The following TMEM242 variants were observed in gnomAD, a reference collection of about 807,000 sequenced individuals.
TMEM242 encodes transmembrane protein 242.
Under a neutral mutation model 18.2 loss-of-function variants are expected in TMEM242, and 10 were observed. That is an observed-to-expected ratio of 0.55 (90% CI 0.34 to 0.93). The LOEUF (loss-of-function observed/expected upper bound fraction) is 0.93. TMEM242 is among the 40% of genes least tolerant of loss of function. TMEM242 has a pLI of 0.02. For missense variants in TMEM242, 186 were observed against 175.5 expected, an observed-to-expected ratio of 1.06 and a Z score of -0.34; for synonymous variants, 57 against 69.9, an observed-to-expected ratio of 0.81 and a Z score of 0.92.
chr6:157,297,257 T>G (rs1014310390), intron 3 of TMEM242, among the ~76,000 whole-genome samples: 5 of 152,212 alleles, frequency 3.3e-5, no homozygotes, highest in Non-Finnish European at 7.3e-5. Flanking sequence ...GTGCTTACTG[T>G]GTATCCTGCT....
chr6:157,312,429 C>CTCAACTGGCCTCATCAT (rs1778185781), intron 3 of TMEM242, among the ~76,000 whole-genome samples: 2 of 126,890 alleles, frequency 1.6e-5, no homozygotes, highest in East Asian at 2.3e-4. Flanking sequence ...CATAGTGTCA[C>CTCAACTGGCCTCATCAT]AGTGTGCACT....
intron 3 of TMEM242, among the ~76,000 whole-genome samples, chr6:157,296,547 G>C (rs1010269133): frequency 2.0e-5 from 3 of 152,224 alleles, no homozygotes; most frequent in Non-Finnish European, 4.4e-5. Context: ...GCCAGGCATG[G>C]TGGCGCACGC....
At position 157,303,574 on chromosome 6, in the gene TMEM242, G is replaced by T. The variant is rs142316282; in HGVS notation, c.328-10575C>A. Among the ~76,000 whole-genome samples the T allele has an allele frequency of 1.8e-3, 274 of 152,258 alleles. 1 individual carries two copies. Among genetic ancestry groups the T allele is most frequent in the African/African-American group, 6.3e-3 (263 of 41,524 alleles). On this transcript the variant is annotated intron_variant, in intron 3 of 3. Transcript: ENST00000400788. ...AGAGAAACTATTTTTATCCTTTAAA[G>T]TTATTTAAAATGTTCTGTTCTTTGG...
At chr6:157,313,155 T>C (rs797043215) in intron 3 of TMEM242, among the ~76,000 whole-genome samples, 19 of 3,424 alleles carry the variant, frequency 5.5e-3, no homozygotes, top group South Asian at 8.8e-3. Context: ...TGCGCTCACC[T>C]GGCCTCATCA....
In TMEM242 at chr6:157,292,116, A is replaced by G. The variant is rs1777690885; in HGVS notation, c.*785T>C. 2.6e-5 allele frequency: 4 copies of G among 152,102 alleles called. No homozygotes were observed. The highest frequency in any genetic ancestry group is 2.6e-4 in the Admixed American group (4 of 15,258). The allele number at this position is 152,102 out of a possible 1,614,324, so 9.4% of individuals were successfully genotyped here. On this transcript the variant is annotated 3_prime_UTR_variant, in exon 4 of 4. Transcript: ENST00000400788. ...GACTTTCTGGTTAAAAATATTGAAG[A>G]CGGATGACAACTGGGCTTTTTTTAC...
rs906060943 is a variant in TMEM242 at position 157,316,229 on chromosome 6, G to A, written c.327+2553C>T. Among the ~76,000 whole-genome samples, 77 of 152,098 alleles carry A rather than the reference G, an allele frequency of 5.1e-4. 2 individuals carry two copies. Among genetic ancestry groups the A allele is most frequent in the Admixed American group, 5.9e-4 (9 of 15,274 alleles). ...AGAAGCTTAATAACTTTATTACTAA[G>A]TACTACTTAATAATCTGAAGATTCA... is the stretch of plus-strand genomic sequence containing the variant. On this transcript the variant is annotated intron_variant, in intron 3 of 3. Transcript: ENST00000400788.
At chr6:157,294,574 TCTC>T (rs1554247097) in intron 3 of TMEM242, among the ~76,000 whole-genome samples, 1 of 151,890 alleles carries the variant, frequency 6.6e-6, no homozygotes, top group East Asian at 1.9e-4. Flanking sequence ...ATGGTCTCGA[TCTC>T]CTGACCTCGT....
chr6:157,318,938 G>A lies in TMEM242; in HGVS notation c.190-19C>T. The A allele has an allele frequency of 6.3e-7, 1 of 1,586,406 alleles. No homozygotes were observed. The highest frequency in any genetic ancestry group is 8.6e-7 in the Non-Finnish European group (1 of 1,168,484). Reference sequence around the variant, plus strand: ...TACTTCCCTGAAATGAAACAGAAAAGTTGAGGTAAAAACAATCAGTGCAGA... The same window carrying A: ...TACTTCCCTGAAATGAAACAGAAAAATTGAGGTAAAAACAATCAGTGCAGA... On this transcript the variant is annotated intron_variant, in intron 2 of 3. Transcript: ENST00000400788.
intron 3 of TMEM242, among the ~76,000 whole-genome samples, chr6:157,296,539 C>T (rs1230095778): frequency 6.6e-6 from 1 of 152,142 alleles, no homozygotes; most frequent in Non-Finnish European, 1.5e-5. Context: ...AAAAATTAGC[C>T]AGGCATGGTG....
chr6:157,307,745 T>G, intron 3 of TMEM242, among the ~76,000 whole-genome samples: 1 of 152,136 alleles, frequency 6.6e-6, no homozygotes, highest in East Asian at 1.9e-4. Context: ...AGGAAAATAT[T>G]CCCCAGTCCT....
At chr6:157,312,357 G>GTGCCCCAGTGTGCGCTCACCTAGCC (rs1778175527) in intron 3 of TMEM242, among the ~76,000 whole-genome samples, 15 of 38,756 alleles carry the variant, frequency 3.9e-4, no homozygotes, top group African/African-American at 8.0e-4. Flanking sequence ...GCCTCATCAT[G>GTGCCCCAGTGTGCGCTCACCTAGCC]TCCCAGTGTG....
chr6:157,314,220 G>GT (rs1778333304), intron 3 of TMEM242, among the ~76,000 whole-genome samples: 3 of 151,040 alleles, frequency 2.0e-5, no homozygotes, highest in African/African-American at 7.3e-5. Context: ...TCATCATAGT[G>GT]CCCCAGTGTG....
chr6:157,299,457 A>T, intron 3 of TMEM242: 2 of 1,364,114 alleles, frequency 1.5e-6, no homozygotes, highest in Non-Finnish European at 2.1e-6. Context: ...CATCCGTGGC[A>T]GTTTTCAGAG....
At chr6:157,318,680 G>A (rs1043748031) in intron 3 of TMEM242, 102 bp downstream of exon 3, 4 of 1,443,740 alleles carry the variant, frequency 2.8e-6, no homozygotes, top group Non-Finnish European at 2.9e-6. Context: ...TCCCTAGACA[G>A]TGACCAAACT....
At chr6:157,310,553 T>C (rs374233595) in intron 3 of TMEM242, among the ~76,000 whole-genome samples, 27 of 2,972 alleles carry the variant, frequency 9.1e-3, no homozygotes, top group African/African-American at 0.019. Flanking sequence ...TGCGCTCACC[T>C]AGCCTCATCA....
chr6:157,297,192 A>T (rs1287169773), intron 3 of TMEM242, among the ~76,000 whole-genome samples: 1 of 152,232 alleles, frequency 6.6e-6, no homozygotes. Context: ...CAGAGAAACG[A>T]AACAATGTGC....
intron 2 of TMEM242, among the ~76,000 whole-genome samples, chr6:157,320,998 C>CTTTTTTTTTTT (rs201521248): frequency 1.5e-5 from 2 of 135,592 alleles, no homozygotes; most frequent in African/African-American, 2.8e-5. Context: ...TTTCCCATTT[C>CTTTTTTTTTTT]TTTTTTTTTT....
chr6:157,294,232 T>A (rs1344256809), intron 3 of TMEM242, among the ~76,000 whole-genome samples: 1 of 152,188 alleles, frequency 6.6e-6, no homozygotes, highest in African/African-American at 2.4e-5. Context: ...ACCACAGTAC[T>A]GCCTTCCAAT....
At chr6:157,293,745 AT>A (rs1212858515) in intron 3 of TMEM242, among the ~76,000 whole-genome samples, 2 of 151,016 alleles carry the variant, frequency 1.3e-5, no homozygotes, top group Admixed American at 6.6e-5. Flanking sequence ...GGAACAAGAG[AT>A]TTTTTTTTCT....
Sources: allele counts gnomAD v4.1 joint callset (sites outside exome capture counted in the v4.1 genomes callset), GRCh38; gene constraint gnomAD v4.1.1; transcripts MANE v1.5; gene names NCBI Gene and HGNC (gene_info 2026-07-23, HGNC 2026-07-21).